Variants in DAPK1 observed in about 807,000 individuals in gnomAD.
The protein encoded by DAPK1 is death associated protein kinase 1, also known as death-associated protein kinase 1.
DAPK1 carries 56 observed loss-of-function variants against 144.9 expected under a neutral mutation model. That is an observed-to-expected ratio of 0.39 (90% CI 0.31 to 0.48). The LOEUF (loss-of-function observed/expected upper bound fraction) is 0.48, where lower values mean the gene tolerates loss of function less well. DAPK1 is among the 20% of genes least tolerant of loss of function. The probability of loss-of-function intolerance (pLI) is 0.95; values close to 1 mark genes in which losing one functional copy is unlikely to be tolerated. For synonymous variants in DAPK1, 690 were observed against 749.0 expected (o/e 0.92, Z 1.29); for missense variants, 1,454 against 1,875.4 (o/e 0.78, Z 4.15).
chr9:87,684,023 G>T (rs1479630751), intron 20 of DAPK1, among the ~76,000 whole-genome samples: 4 of 152,222 alleles, frequency 2.6e-5, no homozygotes, highest in Non-Finnish European at 5.9e-5. Context: ...CTTGGAGGTG[G>T]ATGAGACAGA....
intron 2 of DAPK1, among the ~76,000 whole-genome samples, chr9:87,508,095 C>A (rs1410940252): frequency 1.3e-5 from 2 of 152,142 alleles, no homozygotes; most frequent in Non-Finnish European, 2.9e-5. Context: ...TCGCTGCAAC[C>A]TCTGCCTCCT....
At chr9:87,602,192 T>C (rs1241584377) in intron 2 of DAPK1, among the ~76,000 whole-genome samples, 1 of 151,984 alleles carries the variant, frequency 6.6e-6, no homozygotes, top group Non-Finnish European at 1.5e-5. Flanking sequence ...TTGCAGTAGG[T>C]CTAGAACAAG....
chr9:87,670,957 G>A (rs934934656), intron 19 of DAPK1, among the ~76,000 whole-genome samples: 4 of 152,192 alleles, frequency 2.6e-5, no homozygotes, highest in African/African-American at 9.6e-5. Flanking sequence ...TGACTTAAAA[G>A]TAGCTTACTG....
chr9:87,574,990 G>A (rs1183466323), intron 2 of DAPK1, among the ~76,000 whole-genome samples: 1 of 151,972 alleles, frequency 6.6e-6, no homozygotes. Context: ...GGCTGAGGCA[G>A]GTGGATCACC....
At chr9:87,569,354 C>T (rs750173525) in intron 2 of DAPK1, among the ~76,000 whole-genome samples, 1 of 152,186 alleles carries the variant, frequency 6.6e-6, no homozygotes, top group Admixed American at 6.5e-5. Flanking sequence ...CCAGAGTTCA[C>T]GGGGGAGCCC....
chr9:87,687,461 G>A (rs1374579078), intron 21 of DAPK1, among the ~76,000 whole-genome samples: 10 of 152,136 alleles, frequency 6.6e-5, no homozygotes, highest in South Asian at 4.1e-4. Flanking sequence ...TGCAAATGAC[G>A]TGATTTCATT....
chr9:87,621,816 C>A (rs1452060906), intron 3 of DAPK1, among the ~76,000 whole-genome samples: 1 of 152,136 alleles, frequency 6.6e-6, no homozygotes, highest in African/African-American at 2.4e-5. Flanking sequence ...CCTCTCTACC[C>A]TCTCCTGCCT....
At chr9:87,536,008 A>G (rs906025171) in intron 2 of DAPK1, among the ~76,000 whole-genome samples, 2 of 152,216 alleles carry the variant, frequency 1.3e-5, no homozygotes, top group African/African-American at 4.8e-5. Flanking sequence ...AAAGAGGGTC[A>G]TTTATACCTG....
intron 2 of DAPK1, among the ~76,000 whole-genome samples, chr9:87,571,497 CA>C: frequency 4.4e-5 from 1 of 22,538 alleles, no homozygotes; most frequent in South Asian, 2.0e-3. Flanking sequence ...ACACACACCC[CA>C]ACACACACAC....
chr9:87,510,047 T>C (rs1254102623), intron 2 of DAPK1, among the ~76,000 whole-genome samples: 1 of 152,234 alleles, frequency 6.6e-6, no homozygotes, highest in East Asian at 1.9e-4. Flanking sequence ...CTCCATCGTA[T>C]ATTCCATTAC....
chr9:87,631,543 T>C (rs1564032184), intron 3 of DAPK1, among the ~76,000 whole-genome samples: 1 of 152,208 alleles, frequency 6.6e-6, no homozygotes, highest in African/African-American at 2.4e-5. Flanking sequence ...GATAAAGCCA[T>C]AATTTAAAAC....
intron 2 of DAPK1, among the ~76,000 whole-genome samples, chr9:87,585,329 C>T (rs953358573): frequency 6.6e-6 from 1 of 152,164 alleles, no homozygotes; most frequent in African/African-American, 2.4e-5. Flanking sequence ...AGTGGTTATA[C>T]TAACAGGAAT....
At chr9:87,613,007 A>G (rs1357539295) in intron 3 of DAPK1, among the ~76,000 whole-genome samples, 1 of 152,192 alleles carries the variant, frequency 6.6e-6, no homozygotes, top group East Asian at 1.9e-4. Flanking sequence ...CTCCAATCCT[A>G]AATGTCTCCC....
At chr9:87,558,845 G>A (rs7020518) in intron 2 of DAPK1, among the ~76,000 whole-genome samples, 52,096 of 152,042 alleles carry the variant, frequency 0.34, 9,273 homozygotes, top group Middle Eastern at 0.51. Flanking sequence ...CCATGTGGGC[G>A]GACTCCTGTT....
Position 87,611,842 on chromosome 9 carries a change from C to G in DAPK1, c.284+6667C>G, listed in dbSNP as rs537260472. 1.1e-3 allele frequency among the ~76,000 whole-genome samples: 172 copies of G among 152,254 alleles called. 2 individuals carry two copies. In the Middle Eastern group the frequency reaches 0.031, roughly 27 times the overall value. ...CCCGGGTGATGCGGATGCTGCTGGT[C>G]TGGGTTCATCTTTTGAGAGGCTGTG... On this transcript the variant is annotated intron_variant, in intron 3 of 25. Coordinates refer to ENST00000408954, the MANE Select transcript of DAPK1 (RefSeq NM_004938.4).
intron 18 of DAPK1, among the ~76,000 whole-genome samples, chr9:87,662,305 A>C (rs1113250): frequency 0.39 from 59,348 of 151,800 alleles, 11,876 homozygotes; most frequent in Middle Eastern, 0.58. Flanking sequence ...GCTATTTAGG[A>C]CCTTTTGTGG....
At chr9:87,620,181 C>T (rs905893179) in intron 3 of DAPK1, among the ~76,000 whole-genome samples, 1 of 152,124 alleles carries the variant, frequency 6.6e-6, no homozygotes, top group Non-Finnish European at 1.5e-5. Context: ...GCTCGTGCCC[C>T]TCCGCTCGTG....
intron 3 of DAPK1, among the ~76,000 whole-genome samples, chr9:87,618,565 C>T (rs1419438030): frequency 3.3e-5 from 5 of 152,164 alleles, no homozygotes; most frequent in African/African-American, 1.2e-4. Flanking sequence ...TATGGTATGT[C>T]CATTCAATGG....
chr9:87,608,393 G>T (rs1828809221), intron 3 of DAPK1, among the ~76,000 whole-genome samples: 1 of 152,132 alleles, frequency 6.6e-6, no homozygotes, highest in South Asian at 2.1e-4. Context: ...CATTTGGGTT[G>T]TTTCTGGTAT....
Sources: gnomAD v4.1 joint callset for allele counts (sites outside exome capture counted in the v4.1 genomes callset) on GRCh38, gnomAD v4.1.1 for gene constraint, MANE v1.5 for transcripts, NCBI Gene and HGNC (gene_info 2026-07-23, HGNC 2026-07-21) for gene names.